CD300LF: variants seen among roughly 807,000 people sequenced by gnomAD.
CD300LF encodes the protein CD300 molecule like family member f, also known as CMRF35-like molecule 1.
In CD300LF, 27 loss-of-function variants were observed where a neutral mutation model predicts 32.2. That is an observed-to-expected ratio of 0.84 (90% CI 0.62 to 1.15). The LOEUF is 1.15. Ranked by LOEUF, CD300LF falls within the 50% of genes most tolerant of loss-of-function variation. The pLI, the probability that CD300LF is intolerant of heterozygous loss-of-function variation, is 0.00. For missense variants in CD300LF, 348 were observed against 356.8 expected (o/e 0.98, Z 0.20); for synonymous variants, 139 against 143.2 (o/e 0.97, Z 0.21).
chr17:74,702,399 G>C (rs540449163), intron 3 of CD300LF, among the ~76,000 whole-genome samples: 53 of 152,262 alleles, frequency 3.5e-4, no homozygotes, highest in South Asian at 1.9e-3. Flanking sequence ...CTGTAAAATG[G>C]GAACATTTGT....
rs2033612613 is a variant in CD300LF, at chr17:74,707,502, G to T, written c.44-2686C>A. Among the ~76,000 whole-genome samples, 3 of 152,306 alleles carry T rather than the reference G, an allele frequency of 2.0e-5. No individual in the cohort carries two copies. The South Asian group carries it at 6.2e-4, about 32-fold the overall frequency. On this transcript the variant is annotated intron_variant, in intron 1 of 6. Coordinates refer to ENST00000326165, the MANE Select transcript of CD300LF (RefSeq NM_139018.5). ...GGCCACATTGGGTGGATCATCTGAA[G>T]TCAGGAGTTTGAGACCAGCCTAGGC...
intron 1 of CD300LF, among the ~76,000 whole-genome samples, chr17:74,709,225 A>T (rs1285680632): frequency 6.6e-6 from 1 of 152,170 alleles, no homozygotes; most frequent in Non-Finnish European, 1.5e-5. Context: ...TGACTCAAAA[A>T]AAAAAAGGAA....
At chr17:74,705,428 A>T in intron 1 of CD300LF, 2 of 513,418 alleles carry the variant, frequency 3.9e-6, no homozygotes, top group Non-Finnish European at 7.1e-6. Context: ...AATTGCTTTG[A>T]CCCCTTTGTC....
chr17:74,694,376 A>G lies in CD300LF; in HGVS notation c.*720T>C, dbSNP rs1266400966. The G allele has an allele frequency of 6.6e-6, 1 of 152,230 alleles. No homozygotes were observed. Among genetic ancestry groups the G allele is most frequent in the Non-Finnish European group, 1.5e-5 (1 of 68,032 alleles). 9.4% of individuals were successfully genotyped at this position (152,230 alleles called of 1,614,324 possible). ...TTCTGGAGGCCAGGAGCTCAAGATC[A>G]GTTTCAATGGGCTCAAGTCAAGGCG... On this transcript the variant is annotated 3_prime_UTR_variant, in exon 7 of 7. Coordinates refer to ENST00000326165, the MANE Select transcript of CD300LF (RefSeq NM_139018.5).
At chr17:74,704,219 G>T in intron 2 of CD300LF, 2 of 408,790 alleles carry the variant, frequency 4.9e-6, no homozygotes, top group Non-Finnish European at 4.4e-6. Context: ...CCATCACCTT[G>T]TCCTCAGGCA....
At chr17:74,705,950 G>C (rs1219975975) in intron 1 of CD300LF, among the ~76,000 whole-genome samples, 3 of 152,152 alleles carry the variant, frequency 2.0e-5, no homozygotes, top group Non-Finnish European at 4.4e-5. Flanking sequence ...GCAGCAACAT[G>C]GATGTGGCTG....
chr17:74,697,211 G>A (rs562293542), intron 4 of CD300LF, among the ~76,000 whole-genome samples: 3 of 152,204 alleles, frequency 2.0e-5, no homozygotes, highest in Non-Finnish European at 2.9e-5. Flanking sequence ...CCCTAAGTGC[G>A]GAGATTATAG....
intron 3 of CD300LF, among the ~76,000 whole-genome samples, chr17:74,702,451 A>G (rs969956638): frequency 1.3e-5 from 2 of 152,256 alleles, no homozygotes; most frequent in Non-Finnish European, 2.9e-5. Context: ...AGGAAAGGTC[A>G]AAGAAAACAA....
Position 74,698,439 on chromosome 17 carries a change from G to A in CD300LF, c.489C>T (p.Phe163=), listed in dbSNP as rs200130350. ...LKLSVLLPLI[F]TILLLLLVAA... The stretch of plus-strand genomic sequence containing the variant: ...CCACCAAAAGCAGCAGCAATATGGT[G>A]AAGATGAGGGGCAGGAGGACACTGA... The change falls in exon 4 of 7, where the codon TTC becomes TTT. Residue 163 remains phenylalanine (F), a synonymous_variant. Coordinates refer to ENST00000326165, the MANE Select transcript of CD300LF (RefSeq NM_139018.5). 1.2e-6 allele frequency: 2 copies of A among 1,613,930 alleles called. No individual in the cohort carries two copies. Among genetic ancestry groups the A allele is most frequent in the Non-Finnish European group, 1.7e-6 (2 of 1,179,994 alleles).
At chr17:74,707,841 T>A (rs905220855) in intron 1 of CD300LF, among the ~76,000 whole-genome samples, 9 of 151,904 alleles carry the variant, frequency 5.9e-5, no homozygotes, top group African/African-American at 2.2e-4. Flanking sequence ...GTTATGCCAA[T>A]GAATTTACAA....
At position 74,704,488 on chromosome 17, in the gene CD300LF, G is replaced by T. The variant is rs2033345493; in HGVS notation, c.372C>A (p.Thr124=). Residue 124 remains threonine (T), a synonymous_variant, in exon 2 of 7, where the codon ACC becomes ACA. Transcript: ENST00000326165. ...GNDLGVTVQV[T]IDPAPVTQEE... Reference sequence around the variant, plus strand: ...TACACTCCCTCTTACCTGGGTCAATGGTCACTTGAACTGTGACCCCAAGGT... The same window carrying T: ...TACACTCCCTCTTACCTGGGTCAATTGTCACTTGAACTGTGACCCCAAGGT... 1 of 1,611,142 alleles carries T rather than the reference G, an allele frequency of 6.2e-7. No individual in the cohort carries two copies. Among genetic ancestry groups the T allele is most frequent in the Non-Finnish European group, 8.5e-7 (1 of 1,178,078 alleles).
intron 3 of CD300LF, among the ~76,000 whole-genome samples, chr17:74,701,192 T>C (rs887356572): frequency 2.0e-5 from 3 of 152,250 alleles, no homozygotes; most frequent in African/African-American, 4.8e-5. Context: ...CCTTCATCAC[T>C]GGATGTGCAG....
chr17:74,708,949 G>T (rs569535411), intron 1 of CD300LF, among the ~76,000 whole-genome samples: 1 of 149,844 alleles, frequency 6.7e-6, no homozygotes, highest in South Asian at 2.1e-4. Flanking sequence ...AGGAGGCCAG[G>T]CACGGTGGTT....
Position 74,695,779 on chromosome 17 carries a change from G to A in CD300LF, c.663C>T (p.Thr221=), listed in dbSNP as rs2032398822. Residue 221 remains threonine, a synonymous_variant, in exon 6 of 7, where the codon ACC becomes ACT. Transcript: ENST00000326165. ...CAACCTGGGCAGAGGAAAGCTTCGT[G>A]GTAGCCTTTTGCGGGGAGGTTCCGG... The part of the protein sequence containing the change: ...QLAGTSPQKA[T]TKLSSAQVDQ... 1 of 1,614,062 alleles carries A rather than the reference G, an allele frequency of 6.2e-7. No homozygotes were observed. Among genetic ancestry groups the A allele is most frequent in the African/African-American group, 1.3e-5 (1 of 74,926 alleles).
At chr17:74,706,322 G>A (rs2033510646) in intron 1 of CD300LF, among the ~76,000 whole-genome samples, 1 of 147,804 alleles carries the variant, frequency 6.8e-6, no homozygotes, top group South Asian at 2.1e-4. Context: ...GCGATTATAG[G>A]TGTGAGCAAC....
At position 74,698,342 on chromosome 17, in the gene CD300LF, A is replaced by G. The variant is rs2032709072; in HGVS notation, c.559+27T>C. The G allele has an allele frequency of 2.6e-6, 4 of 1,525,242 alleles. No homozygotes were observed. The African/African-American group carries it at 4.1e-5, about 16-fold the overall frequency. 94.5% of individuals were successfully genotyped at this position (1,525,242 alleles called of 1,614,324 possible). On this transcript the variant is annotated intron_variant, in intron 4 of 6. Transcript: ENST00000326165. ...ATCCCCAGCCACCCGGCCCAGTCTCAGCCCAGCCTCACCCAGGTCCTCTCA... is the reference window on the plus strand; with the variant it reads ...ATCCCCAGCCACCCGGCCCAGTCTCGGCCCAGCCTCACCCAGGTCCTCTCA...
At position 74,698,501 on chromosome 17, in the gene CD300LF, TC is replaced by T; in HGVS notation, c.447-21del. 6.3e-7 allele frequency: 1 copy of T among 1,599,508 alleles called. No homozygotes were observed. The highest frequency in any genetic ancestry group is 8.5e-7 in the Non-Finnish European group (1 of 1,173,096). On this transcript the variant is annotated intron_variant, in intron 3 of 6. Transcript: ENST00000326165. ...TTGTGCCTAGAAACAATGGCAAGCGTCCCCTGCATCCCAGGCTCACCACCTG... is the reference window on the plus strand; with the variant it reads ...TTGTGCCTAGAAACAATGGCAAGCGTCCCTGCATCCCAGGCTCACCACCTG...
intron 2 of CD300LF, 189 bp downstream of exon 2, chr17:74,704,289 C>T: frequency 3.4e-6 from 2 of 589,706 alleles, no homozygotes; most frequent in Admixed American, 6.1e-5. Flanking sequence ...GTGGAGGGAG[C>T]CCTGGGAGCC....
intron 3 of CD300LF, among the ~76,000 whole-genome samples, chr17:74,699,182 G>T (rs745732083): frequency 6.6e-6 from 1 of 152,200 alleles, no homozygotes; most frequent in Non-Finnish European, 1.5e-5. Context: ...CTCCCAAAGT[G>T]CTGGGATTAC....
Sources: allele counts gnomAD v4.1 joint callset (sites outside exome capture counted in the v4.1 genomes callset), GRCh38; gene constraint gnomAD v4.1.1; transcripts MANE v1.5; gene names NCBI Gene and HGNC (gene_info 2026-07-23, HGNC 2026-07-21).